FOXP2: variants seen among roughly 807,000 people sequenced by gnomAD.
FOXP2 encodes forkhead box protein P2.
FOXP2 carries 12 observed loss-of-function variants against 115.8 expected under a neutral mutation model. The ratio of observed to expected loss-of-function variants is 0.10; its 90% confidence interval spans 0.07 to 0.17. The LOEUF is 0.17. Among genes scored for constraint, FOXP2 ranks in the 10% least tolerant of loss-of-function variants. The pLI is 1.00. For synonymous variants in FOXP2, 328 were observed against 297.7 expected (o/e 1.10, Z -1.05); for missense variants, 629 against 843.5 (o/e 0.75, Z 3.15).
chr7:114,332,680 T>C (rs2129183160), intron 2 of FOXP2, among the ~76,000 whole-genome samples: 1 of 152,198 alleles, frequency 6.6e-6, no homozygotes, highest in South Asian at 2.1e-4. Context: ...GACTGAAATA[T>C]AGTGTTAAAA....
chr7:114,549,611 C>T (rs1800101034), intron 3 of FOXP2, among the ~76,000 whole-genome samples: 2 of 152,182 alleles, frequency 1.3e-5, no homozygotes, highest in South Asian at 4.1e-4. Context: ...AAGAATTAGT[C>T]ATTGGTTTGG....
intron 2 of FOXP2, among the ~76,000 whole-genome samples, chr7:114,458,613 T>C (rs2129223399): frequency 7.0e-6 from 1 of 142,980 alleles, no homozygotes; most frequent in South Asian, 2.3e-4. Context: ...AGTGGTGCAA[T>C]GATGGCTCAC....
At position 114,630,025 on chromosome 7, in the gene FOXP2, T is replaced by C. The variant is rs2129327613; in HGVS notation, c.597+20T>C. 12 of 1,603,100 alleles carry C rather than the reference T, an allele frequency of 7.5e-6. No individual in the cohort carries two copies. Among genetic ancestry groups the C allele is most frequent in the Non-Finnish European group, 1.0e-5 (12 of 1,178,786 alleles). The stretch of plus-strand genomic sequence containing the variant: ...AAAGAGGTAGGATCCGGTTATCTCA[T>C]TGATACATAACAGTTTGCAGTTAAG... On this transcript the variant is annotated intron_variant, in intron 5 of 16. Coordinates refer to ENST00000350908, the MANE Select transcript of FOXP2 (RefSeq NM_014491.4).
intron 1 of FOXP2, among the ~76,000 whole-genome samples, chr7:114,425,595 G>A (rs1237878050): frequency 6.6e-6 from 1 of 151,652 alleles, no homozygotes; most frequent in Non-Finnish European, 1.5e-5. Context: ...TATTACTGTA[G>A]AGAAGGTAAT....
chr7:114,664,413 G>A lies in FOXP2; in HGVS notation c.1980G>A (p.Pro660=), dbSNP rs764825527. The A allele has an allele frequency of 2.5e-5, 41 of 1,613,316 alleles. No individual in the cohort carries two copies. Among genetic ancestry groups the A allele is most frequent in the Non-Finnish European group, 3.2e-5 (38 of 1,179,632 alleles). ...TTGACAGCAATGGAAACAGTAGTCC[G>A]GGCTGCTCACCTCAGCCGCACATGT... ...DHIDSNGNSS[P]GCSPQPHIHS... Residue 660 remains proline, a synonymous_variant, in exon 16 of 17, where the codon CCG becomes CCA. Transcript: ENST00000350908.
At chr7:114,123,276 C>T (rs905854851) in intron 1 of FOXP2, among the ~76,000 whole-genome samples, 1 of 150,858 alleles carries the variant, frequency 6.6e-6, no homozygotes, top group East Asian at 2.0e-4. Flanking sequence ...TCACCTAGAA[C>T]CCAGGAGTTC....
chr7:114,449,500 G>T (rs1022299143), intron 2 of FOXP2, among the ~76,000 whole-genome samples: 2 of 152,026 alleles, frequency 1.3e-5, no homozygotes, highest in African/African-American at 4.8e-5. Context: ...CTGCAAAGTA[G>T]ATGAGTTTTG....
chr7:114,540,924 AAGAAGTCAGT>A (rs1356099589), intron 3 of FOXP2, among the ~76,000 whole-genome samples: 1 of 152,102 alleles, frequency 6.6e-6, no homozygotes, highest in Non-Finnish European at 1.5e-5. Context: ...ATGTCAAGCC[AAGAAGTCAGT>A]ATTTTATAGA....
rs370671395 is a variant in FOXP2, at chr7:114,498,111, C to T, written c.169-36506C>T. Among the ~76,000 whole-genome samples, 7 of 152,184 alleles carry T rather than the reference C, an allele frequency of 4.6e-5. No individual in the cohort carries two copies. In the East Asian group the frequency reaches 7.7e-4, roughly 17 times the overall value. On this transcript the variant is annotated intron_variant, in intron 2 of 16. Coordinates refer to ENST00000350908, the MANE Select transcript of FOXP2 (RefSeq NM_014491.4). ...ATCTTAATTACCACCTCTCAGAATC[C>T]GTTGCTTAGTTAATATAGAGGTTTT...
intron 1 of FOXP2, among the ~76,000 whole-genome samples, chr7:114,426,133 G>T (rs1428688192): frequency 2.0e-5 from 3 of 151,574 alleles, no homozygotes; most frequent in African/African-American, 7.3e-5. Flanking sequence ...AGTCATCCAT[G>T]GTTGTCAAAG....
intron 7 of FOXP2, among the ~76,000 whole-genome samples, chr7:114,644,154 A>G (rs1439262807): frequency 6.6e-6 from 1 of 152,218 alleles, no homozygotes; most frequent in Non-Finnish European, 1.5e-5. Flanking sequence ...GTCTTCAATA[A>G]TTATATAAAG....
rs544383159 is a variant in FOXP2 at position 114,148,137 on chromosome 7, G to A, written c.-246-14807G>A. 1.6e-4 allele frequency among the ~76,000 whole-genome samples: 25 copies of A among 152,286 alleles called. 1 individual carries two copies. The highest frequency in any genetic ancestry group is 9.8e-4 in the Admixed American group (15 of 15,298). On this transcript the variant is annotated intron_variant, in intron 1 of 19. Coordinates refer to the FOXP2 transcript ENST00000635638. ...TTATCTCTTAGGGCAAAGCCCCACC[G>A]ATGTAGATCTTTTAAGTAATTGTGT...
intron 2 of FOXP2, among the ~76,000 whole-genome samples, chr7:114,339,139 A>G (rs1200148063): frequency 1.3e-5 from 2 of 151,206 alleles, no homozygotes. Flanking sequence ...TCTACTGTTG[A>G]GGTCTGCAAC....
chr7:114,512,253 T>C (rs1798112839), intron 2 of FOXP2, among the ~76,000 whole-genome samples: 1 of 152,214 alleles, frequency 6.6e-6, no homozygotes, highest in African/African-American at 2.4e-5. Flanking sequence ...AATATTTTCA[T>C]TAAGATTCAC....
rs1276592929 is a variant in FOXP2, at chr7:114,238,683, G to A, written c.-101-49336G>A. Reference sequence around the variant, plus strand: ...GCTACTAAGGAGGCTGAGGGAGGATGATGGGTTGGGTCTGGGAGGCAGAGG... The same window carrying A: ...GCTACTAAGGAGGCTGAGGGAGGATAATGGGTTGGGTCTGGGAGGCAGAGG... On this transcript the variant is annotated intron_variant, in intron 1 of 17. Coordinates refer to the FOXP2 transcript ENST00000634411. Among the ~76,000 whole-genome samples the A allele has an allele frequency of 4.0e-5, 6 of 151,842 alleles. No individual in the cohort carries two copies. The East Asian group carries it at 9.7e-4, about 25-fold the overall frequency.
chr7:114,354,568 G>A (rs533250687), intron 2 of FOXP2, among the ~76,000 whole-genome samples: 2 of 152,126 alleles, frequency 1.3e-5, no homozygotes, highest in East Asian at 3.9e-4. Flanking sequence ...CTGTCAAGGG[G>A]AACAGATAAG....
rs114125255 is a variant in FOXP2 at position 114,255,890 on chromosome 7, A to G, written c.-101-32129A>G. ...ACCCATCTTCTGCATTGCTCACGCT[A>G]GGAGCTGTAGACTGGAGCTCTTCCT... On this transcript the variant is annotated intron_variant, in intron 1 of 17. Coordinates refer to the FOXP2 transcript ENST00000634411. Among the ~76,000 whole-genome samples the G allele has an allele frequency of 4.9e-3, 751 of 152,242 alleles. 8 individuals are homozygous for G. Among genetic ancestry groups the G allele is most frequent in the African/African-American group, 0.016 (679 of 41,552 alleles).
intron 2 of FOXP2, among the ~76,000 whole-genome samples, chr7:114,358,311 ATAGAT>A (rs1262750773): frequency 6.6e-6 from 1 of 152,158 alleles, no homozygotes; most frequent in East Asian, 1.9e-4. Flanking sequence ...GTTTGTCTTT[ATAGAT>A]TACCCAGTCT....
intron 2 of FOXP2, among the ~76,000 whole-genome samples, chr7:114,357,856 T>C (rs891468199): frequency 6.6e-6 from 1 of 152,184 alleles, no homozygotes; most frequent in African/African-American, 2.4e-5. Flanking sequence ...AGTAATACTA[T>C]CCTTCTTGCC....
Sources: allele counts gnomAD v4.1 joint callset (sites outside exome capture counted in the v4.1 genomes callset), GRCh38; gene constraint gnomAD v4.1.1; transcripts MANE v1.5; gene names NCBI Gene and HGNC (gene_info 2026-07-23, HGNC 2026-07-21).